Variants in TCF7L1 observed in about 807,000 individuals in gnomAD.
TCF7L1 encodes transcription factor 7-like 1.
In TCF7L1, 18 loss-of-function variants were observed where a neutral mutation model predicts 63.7. That is an observed-to-expected ratio of 0.28 (90% confidence interval 0.20 to 0.42). TCF7L1 has a LOEUF of 0.42. Among genes scored for constraint, TCF7L1 ranks in the 10% least tolerant of loss-of-function variants. TCF7L1 has a pLI of 1.00. For missense variants in TCF7L1, 654 were observed against 779.3 expected, an observed-to-expected ratio of 0.84 and a Z score of 1.91; for synonymous variants, 355 against 340.9, an observed-to-expected ratio of 1.04 and a Z score of -0.46.
chr2:85,218,876 G>A (rs191765768), intron 3 of TCF7L1, among the ~76,000 whole-genome samples: 216 of 152,240 alleles, frequency 1.4e-3, no homozygotes, highest in Middle Eastern at 0.01. Flanking sequence ...TGAATAAGAT[G>A]TTCAGAGCCA....
At chr2:85,242,648 GAGGCC>G (rs1414821441) in intron 3 of TCF7L1, among the ~76,000 whole-genome samples, 1 of 152,196 alleles carries the variant, frequency 6.6e-6, no homozygotes, top group East Asian at 1.9e-4. Context: ...GGCAAATGTT[GAGGCC>G]AGCCTTGTCC....
intron 3 of TCF7L1, among the ~76,000 whole-genome samples, chr2:85,244,365 G>T (rs1357259158): frequency 1.3e-5 from 2 of 152,204 alleles, no homozygotes; most frequent in Non-Finnish European, 2.9e-5. Flanking sequence ...ATAGACCGAA[G>T]GGGTCAAGGG....
chr2:85,172,895 T>G (rs1678583538), intron 3 of TCF7L1, among the ~76,000 whole-genome samples: 1 of 152,000 alleles, frequency 6.6e-6, no homozygotes, highest in Non-Finnish European at 1.5e-5. Flanking sequence ...TTTATTTGAG[T>G]CCAGAGCACC....
chr2:85,169,103 A>G (rs568329203), intron 3 of TCF7L1, among the ~76,000 whole-genome samples: 76 of 152,204 alleles, frequency 5.0e-4, no homozygotes, highest in African/African-American at 1.7e-3. Flanking sequence ...GAAAGCCACA[A>G]TTGCTCCTTT....
chr2:85,148,488 C>G (rs1574078983), intron 3 of TCF7L1, among the ~76,000 whole-genome samples: 2 of 152,062 alleles, frequency 1.3e-5, no homozygotes, highest in East Asian at 3.9e-4. Flanking sequence ...CCAGGGCCCC[C>G]CTCAGGGAGA....
At chr2:85,195,132 C>T (rs1572986719) in intron 3 of TCF7L1, among the ~76,000 whole-genome samples, 1 of 152,234 alleles carries the variant, frequency 6.6e-6, no homozygotes, top group Non-Finnish European at 1.5e-5. Context: ...TACCTACAAA[C>T]CTTGTAACCT....
chr2:85,175,106 C>G (rs568313295), intron 3 of TCF7L1, among the ~76,000 whole-genome samples: 1 of 152,322 alleles, frequency 6.6e-6, no homozygotes, highest in East Asian at 1.9e-4. Context: ...TCACAGTGGG[C>G]TCTCTGTGAA....
At chr2:85,302,772 A>AT (rs1040177250) in intron 5 of TCF7L1, among the ~76,000 whole-genome samples, 156 bp downstream of exon 5, 57 of 147,610 alleles carry the variant, frequency 3.9e-4, no homozygotes, top group South Asian at 3.0e-3. Flanking sequence ...TAGCCTTGTC[A>AT]TTTTTTTTTT....
At chr2:85,253,520 G>A (rs1680640723) in intron 3 of TCF7L1, among the ~76,000 whole-genome samples, 1 of 152,200 alleles carries the variant, frequency 6.6e-6, no homozygotes, top group Non-Finnish European at 1.5e-5. Flanking sequence ...GTTGCAGTAG[G>A]TAAGTAAAAG....
intron 3 of TCF7L1, among the ~76,000 whole-genome samples, chr2:85,234,131 CT>C (rs35508338): frequency 0.094 from 6,126 of 65,460 alleles, 311 homozygotes; most frequent in African/African-American, 0.32. Flanking sequence ...TTTTTCTTTT[CT>C]TTTTTTTTTT....
chr2:85,163,472 A>G (rs1678335670), intron 3 of TCF7L1, among the ~76,000 whole-genome samples: 1 of 152,154 alleles, frequency 6.6e-6, no homozygotes, highest in African/African-American at 2.4e-5. Flanking sequence ...GCCCGACCAG[A>G]AGCAGACTCC....
chr2:85,138,574 G>A (rs969015331), intron 3 of TCF7L1, among the ~76,000 whole-genome samples: 2 of 152,106 alleles, frequency 1.3e-5, no homozygotes, highest in Non-Finnish European at 2.9e-5. Context: ...GAGGGCCTGT[G>A]TTGCTGAAGT....
chr2:85,306,252 G>A lies in TCF7L1; in HGVS notation c.1036G>A (p.Val346Met). Residue 346 changes from valine (V) to methionine (M), a missense_variant, in exon 9 of 12, where the codon GTG becomes ATG. This residue lies in a region of TCF7L1 where 66 missense variants were observed against 120.5 expected (regional missense o/e 0.55). Coordinates refer to ENST00000282111, the MANE Select transcript of TCF7L1 (RefSeq NM_031283.3). The surrounding 1 kb of genome is among the most constrained non-coding windows in gnomAD (Gnocchi z 4.3). Reference sequence around the variant, plus strand: ...AAAGGAGGAGGAAAAGAAGCCCCACGTGAAGAAGCCTCTGAATGCCTTCAT... The same window carrying A: ...AAAGGAGGAGGAAAAGAAGCCCCACATGAAGAAGCCTCTGAATGCCTTCAT... ...VKKEEEKKPH[V>M]KKPLNAFMLY... The A allele has an allele frequency of 1.2e-6, 2 of 1,614,180 alleles. No homozygotes were observed.
intron 3 of TCF7L1, among the ~76,000 whole-genome samples, chr2:85,226,467 GA>G (rs1432653041): frequency 6.6e-6 from 1 of 152,184 alleles, no homozygotes; most frequent in Non-Finnish European, 1.5e-5. Flanking sequence ...GCCAGGATTT[GA>G]ATCTGGGCTA....
intron 3 of TCF7L1, among the ~76,000 whole-genome samples, chr2:85,238,507 ATTCCTTCATTGATTC>A (rs1019642200): frequency 2.0e-5 from 3 of 152,120 alleles, no homozygotes; most frequent in Non-Finnish European, 4.4e-5. Flanking sequence ...CGGGGCCGTG[ATTCCTTCATTGATTC>A]TTCCTTCAAC....
chr2:85,233,896 T>G (rs1159403581), intron 3 of TCF7L1: 1 of 152,174 alleles, frequency 6.6e-6, no homozygotes. Flanking sequence ...CAGGTATTAG[T>G]AGTTCTTTTT....
At chr2:85,278,707 C>A (rs1483185272) in intron 3 of TCF7L1, among the ~76,000 whole-genome samples, 1 of 152,178 alleles carries the variant, frequency 6.6e-6, no homozygotes, top group Non-Finnish European at 1.5e-5. Context: ...TAACTGTGAA[C>A]CACAGTAGCA....
chr2:85,150,856 A>G (rs2568222), intron 3 of TCF7L1, among the ~76,000 whole-genome samples: 83,264 of 151,912 alleles, frequency 0.55, 23,252 homozygotes, highest in East Asian at 0.86. Context: ...CCTTTACCCA[A>G]TGGTTTTAGT....
rs67142055 is a variant in TCF7L1, at chr2:85,185,960, A to ATTT, written c.441+51532_441+51534dup. Among the ~76,000 whole-genome samples, 932 of 94,610 alleles carry ATTT rather than the reference A, an allele frequency of 9.9e-3. 40 individuals carry two copies. The highest frequency in any genetic ancestry group is 0.03 in the African/African-American group (664 of 22,308). 62.1% of individuals were successfully genotyped at this position (94,610 alleles called of 152,430 possible). On this transcript the variant is annotated intron_variant, in intron 3 of 11. Coordinates refer to ENST00000282111, the MANE Select transcript of TCF7L1 (RefSeq NM_031283.3). Reference sequence around the variant, plus strand: ...TCCCAGTCAGGAGACAACACAGGGGATTTTTTTTTTTTTTTTTTTTTTTTG... The same window carrying ATTT: ...TCCCAGTCAGGAGACAACACAGGGGATTTTTTTTTTTTTTTTTTTTTTTTTTTG...
Sources: gnomAD v4.1 joint callset for allele counts (sites outside exome capture counted in the v4.1 genomes callset) on GRCh38, gnomAD v4.1.1 for gene constraint, gnomAD v4.1.1 regional missense constraint, Gnocchi (gnomAD v3.1) non-coding constraint, MANE v1.5 for transcripts, NCBI Gene and HGNC (gene_info 2026-07-23, HGNC 2026-07-21) for gene names.